GLS: variants seen among roughly 807,000 people sequenced by gnomAD.
GLS encodes the protein glutaminase.
Under a neutral mutation model 86.7 loss-of-function variants are expected in GLS, and 36 were observed. The observed-to-expected ratio is 0.42, with a 90% CI of 0.32 to 0.55. The LOEUF is 0.55. Among genes scored for constraint, GLS ranks in the 20% least tolerant of loss-of-function variants. The probability of loss-of-function intolerance (pLI) is 0.17; values close to 1 mark genes in which losing one functional copy is unlikely to be tolerated. For missense variants in GLS, 528 were observed against 833.4 expected, an observed-to-expected ratio of 0.63 and a Z score of 4.51; for synonymous variants, 317 against 305.9, an observed-to-expected ratio of 1.04 and a Z score of -0.38.
intron 1 of GLS, chr2:190,882,024 G>C (rs1352327757): frequency 1.3e-5 from 2 of 152,390 alleles, no homozygotes; most frequent in African/African-American, 2.4e-5. Context: ...TATATTTCGG[G>C]AGTGGCTACC....
At chr2:190,936,551 C>G (rs1286256081) in intron 14 of GLS, among the ~76,000 whole-genome samples, 1 of 150,956 alleles carries the variant, frequency 6.6e-6, no homozygotes. Flanking sequence ...GTATAACATA[C>G]TTTACTTCTT....
rs11889157 is a variant in GLS, at chr2:190,915,140, G to A, written c.1038+4819G>A. On this transcript the variant is annotated intron_variant, in intron 7 of 17. Coordinates refer to ENST00000320717, the MANE Select transcript of GLS (RefSeq NM_014905.5). ...CGAGTAGCTGGGACTACAGGCGCCC[G>A]CCACTGTGCCTGGCTAATTTTTTTT... Among the ~76,000 whole-genome samples the A allele has an allele frequency of 5.7e-3, 856 of 151,046 alleles. 8 individuals carry two copies. The highest frequency in any genetic ancestry group is 0.019 in the African/African-American group (801 of 41,194).
chr2:190,900,831 G>T (rs1203744588), intron 4 of GLS, 138 bp downstream of exon 4: 1 of 525,704 alleles, frequency 1.9e-6, no homozygotes, highest in Non-Finnish European at 3.3e-6. Flanking sequence ...TTTAAGTGAA[G>T]CCACTGGATT....
chr2:190,912,790 G>T (rs1260115357), intron 7 of GLS, among the ~76,000 whole-genome samples: 1 of 152,044 alleles, frequency 6.6e-6, no homozygotes, highest in Non-Finnish European at 1.5e-5. Context: ...TAGTTATATT[G>T]CCCCAAATGC....
At chr2:190,923,773 T>A in intron 9 of GLS, 144 bp from the exon 10 acceptor site, 2 of 583,058 alleles carry the variant, frequency 3.4e-6, no homozygotes, top group Non-Finnish European at 6.1e-6. Flanking sequence ...ACAAATAGCC[T>A]ATTGACAGAA....
chr2:190,881,452 T>TC lies in GLS; in HGVS notation c.368_369insC (p.Val124GlyfsTer5), dbSNP rs1276255238. The TC allele has an allele frequency of 6.5e-6, 10 of 1,541,806 alleles. No individual in the cohort carries two copies. The highest frequency in any genetic ancestry group is 7.9e-6 in the Non-Finnish European group (9 of 1,143,354). On this transcript the variant is annotated frameshift_variant, in exon 1 of 18. Transcript: ENST00000320717. LOFTEE classifies it high-confidence loss of function. ...TTTGGCAACAGCGAGGGCAAAGAGCTGGTGGCCTCAGGTGAAAAGTGAGTG... is the reference window on the plus strand; with the variant it reads ...TTTGGCAACAGCGAGGGCAAAGAGCTCGGTGGCCTCAGGTGAAAAGTGAGTG...
chr2:190,927,540 T>C lies in GLS; in HGVS notation c.1425+58T>C, dbSNP rs1452578795. 24 of 1,234,720 alleles carry C rather than the reference T, an allele frequency of 1.9e-5. No individual in the cohort carries two copies. In the Admixed American group the frequency reaches 5.7e-4, roughly 29 times the overall value. 76.5% of individuals were successfully genotyped at this position (1,234,720 alleles called of 1,614,324 possible). A position where few individuals can be genotyped will look rare whatever the true frequency, so the allele number is the denominator to read the frequency against. ...AAGAAACTAGTCTGAACTGGTTCTTTTAAAAATGCAGTTTGAACTTTGCTT... is the reference window on the plus strand; with the variant it reads ...AAGAAACTAGTCTGAACTGGTTCTTCTAAAAATGCAGTTTGAACTTTGCTT... On this transcript the variant is annotated intron_variant, in intron 12 of 17. Coordinates refer to ENST00000320717, the MANE Select transcript of GLS (RefSeq NM_014905.5).
chr2:190,957,420 C>G (rs1157222171), intron 17 of GLS, among the ~76,000 whole-genome samples: 1 of 152,162 alleles, frequency 6.6e-6, no homozygotes, highest in Admixed American at 6.5e-5. Context: ...GCCTGATTGT[C>G]CTAGCCAGAA....
At chr2:190,890,908 AC>A (rs1237161358) in intron 1 of GLS, among the ~76,000 whole-genome samples, 2 of 152,124 alleles carry the variant, frequency 1.3e-5, no homozygotes, top group African/African-American at 4.8e-5. Context: ...GAAAGACTTG[AC>A]CCCAGCCTTG....
rs893823134 is a variant in GLS, at chr2:190,943,056, A to T, written c.1651-10509A>T. 2.0e-5 allele frequency among the ~76,000 whole-genome samples: 3 copies of T among 152,208 alleles called. No homozygotes were observed. Among genetic ancestry groups the T allele is most frequent in the African/African-American group, 7.2e-5 (3 of 41,458 alleles). ...AACTCACCTGACGCTCATTGACCAG[A>T]CTAACTGCAAGGGAATCTGGGAAAG... On this transcript the variant is annotated intron_variant, in intron 14 of 17. Transcript: ENST00000320717. The surrounding 1 kb of genome is among the most constrained non-coding windows in gnomAD (Gnocchi z 4.5).
chr2:190,896,963 TG>T (rs1688764693), intron 3 of GLS, among the ~76,000 whole-genome samples: 1 of 152,196 alleles, frequency 6.6e-6, no homozygotes, highest in Non-Finnish European at 1.5e-5. Flanking sequence ...GTTAGAGTAA[TG>T]GTTGGTAGAT....
In GLS at chr2:190,895,313, A is replaced by G; in HGVS notation, c.483+65A>G. 1.5e-6 allele frequency: 1 copy of G among 664,672 alleles called. No homozygotes were observed. The highest frequency in any genetic ancestry group is 2.6e-6 in the Non-Finnish European group (1 of 378,392). The allele number at this position is 664,672 out of a possible 1,614,324, so 41.2% of individuals were successfully genotyped here. A position where few individuals can be genotyped will look rare whatever the true frequency, so the allele number is the denominator to read the frequency against. On this transcript the variant is annotated intron_variant, in intron 2 of 17. Transcript: ENST00000320717. The surrounding 1 kb of genome is among the most constrained non-coding windows in gnomAD (Gnocchi z 4.2). The stretch of plus-strand genomic sequence containing the variant: ...AATAATAATAAATATATACAGTATT[A>G]TTGAAATATAGTCTTAAAGGTCGTC...
chr2:190,945,267 A>G (rs796775328), intron 14 of GLS, among the ~76,000 whole-genome samples: 1 of 152,170 alleles, frequency 6.6e-6, no homozygotes, highest in Admixed American at 6.5e-5. Context: ...AGTAATATAT[A>G]ATCTTTAATT....
Position 190,895,760 on chromosome 2 carries a change from G to T in GLS, c.605+35G>T. On this transcript the variant is annotated intron_variant, in intron 3 of 17. Transcript: ENST00000320717. This position sits in a 1 kb window ranked among gnomAD's most constrained non-coding sequence, Gnocchi z 4.2. ...TCTGCCAAACCTTTAATGGTGATTT[G>T]CTATGCTATACGGTGATTCTGCTTT... The T allele has an allele frequency of 1.3e-6, 2 of 1,557,006 alleles. No individual in the cohort carries two copies. Among genetic ancestry groups the T allele is most frequent in the Non-Finnish European group, 1.8e-6 (2 of 1,141,268 alleles).
At chr2:190,929,854 A>AT (rs1010498110) in intron 12 of GLS, among the ~76,000 whole-genome samples, 14 of 142,240 alleles carry the variant, frequency 9.8e-5, no homozygotes, top group East Asian at 2.1e-4. Flanking sequence ...ATATATATAT[A>AT]TTTTTTTTTT....
rs112075317 is a variant in GLS, at chr2:190,954,318, C to G, written c.1713-266C>G. On this transcript the variant is annotated intron_variant, in intron 15 of 17. Coordinates refer to ENST00000320717, the MANE Select transcript of GLS (RefSeq NM_014905.5). The surrounding 1 kb of genome is among the most constrained non-coding windows in gnomAD (Gnocchi z 4.0). ...CAGTTGTGCCATAATTCTTAAGTTG[C>G]GAACAATAATGTAATAAAGTTTAAT... Among the ~76,000 whole-genome samples, 1 of 151,872 alleles carries G rather than the reference C, an allele frequency of 6.6e-6. No homozygotes were observed. Among genetic ancestry groups the G allele is most frequent in the African/African-American group, 2.4e-5 (1 of 41,310 alleles).
chr2:190,883,930 CT>C, intron 1 of GLS, among the ~76,000 whole-genome samples: 1 of 152,242 alleles, frequency 6.6e-6, no homozygotes, highest in South Asian at 2.1e-4. Context: ...TTCACAAACT[CT>C]TTGAACTAAT....
intron 14 of GLS, among the ~76,000 whole-genome samples, chr2:190,942,606 T>C (rs1009841322): frequency 3.9e-5 from 6 of 152,170 alleles, no homozygotes; most frequent in Non-Finnish European, 8.8e-5. Context: ...GATATCAAGC[T>C]GACTACCAGG....
chr2:190,960,216 T>G (rs1407446291), intron 17 of GLS, among the ~76,000 whole-genome samples: 1 of 152,040 alleles, frequency 6.6e-6, no homozygotes, highest in African/African-American at 2.4e-5. Context: ...GAATAAAAGT[T>G]TAGAATGGGA....
Sources: allele counts gnomAD v4.1 joint callset (sites outside exome capture counted in the v4.1 genomes callset), GRCh38; gene constraint gnomAD v4.1.1; non-coding constraint Gnocchi (gnomAD v3.1); transcripts MANE v1.5; gene names NCBI Gene and HGNC (gene_info 2026-07-23, HGNC 2026-07-21).